The following KLHL28 variants were observed in gnomAD, a reference collection of about 807,000 sequenced individuals.
KLHL28 encodes the protein kelch-like protein 28.
A neutral mutation model predicts 48.3 loss-of-function variants in KLHL28; 22 were observed. The observed-to-expected ratio is 0.46, with a 90% CI of 0.33 to 0.65. The LOEUF (loss-of-function observed/expected upper bound fraction) is 0.65. Ranked by LOEUF, KLHL28 falls within the 30% of genes least tolerant of loss-of-function variation. The pLI is 0.03. For synonymous variants in KLHL28, 243 were observed against 242.4 expected (o/e 1.00, Z -0.02); for missense variants, 527 against 704.3 (o/e 0.75, Z 2.85).
rs563586991 is a variant in KLHL28 at position 44,935,359 on chromosome 14, G to A, written c.900-801C>T. On this transcript the variant is annotated intron_variant, in intron 2 of 4. Coordinates refer to ENST00000396128, the MANE Select transcript of KLHL28 (RefSeq NM_017658.5). ...TGGTCATACTCTGTTTCTTGAACTG[G>A]TTTGTAATGTTTACTTTGTGGTAAT... Among the ~76,000 whole-genome samples, 14 of 152,240 alleles carry A rather than the reference G, an allele frequency of 9.2e-5. No homozygotes were observed. In the South Asian group the frequency reaches 2.9e-3, roughly 32 times the overall value.
At chr14:44,954,754 T>C (rs1344228242) in intron 1 of KLHL28, among the ~76,000 whole-genome samples, 1 of 152,198 alleles carries the variant, frequency 6.6e-6, no homozygotes, top group East Asian at 1.9e-4. Context: ...ATATACTCTG[T>C]TTTATAGATT....
At chr14:44,957,701 C>T (rs1475044565) in intron 1 of KLHL28, among the ~76,000 whole-genome samples, 4 of 152,098 alleles carry the variant, frequency 2.6e-5, no homozygotes, top group Non-Finnish European at 5.9e-5. Flanking sequence ...GTTATTATTA[C>T]CACCATTTTA....
intron 2 of KLHL28, among the ~76,000 whole-genome samples, chr14:44,936,505 C>A (rs1883829155): frequency 6.6e-6 from 1 of 152,082 alleles, no homozygotes; most frequent in South Asian, 2.1e-4. Flanking sequence ...TTGCTTCCAT[C>A]TTTTCAGTAG....
At position 44,957,153 on chromosome 14, in the gene KLHL28, T is replaced by C. The variant is rs570407116; in HGVS notation, c.-1+4693A>G. Among the ~76,000 whole-genome samples, 4 of 152,196 alleles carry C rather than the reference T, an allele frequency of 2.6e-5. No homozygotes were observed. In the East Asian group the frequency reaches 7.7e-4, roughly 29 times the overall value. ...TGAAATATTTGTAGATGAAATAATA[T>C]GTTGTTAGGATTTGCTGCAAAATAA... is the stretch of plus-strand genomic sequence containing the variant. On this transcript the variant is annotated intron_variant, in intron 1 of 4. Coordinates refer to ENST00000396128, the MANE Select transcript of KLHL28 (RefSeq NM_017658.5).
At chr14:44,955,519 T>A (rs942342887) in intron 1 of KLHL28, among the ~76,000 whole-genome samples, 1 of 152,164 alleles carries the variant, frequency 6.6e-6, no homozygotes, top group African/African-American at 2.4e-5. Flanking sequence ...CTAGGTAGTA[T>A]AATCCCAGCA....
In KLHL28 at chr14:44,925,363, A is replaced by G. The variant is rs764618267; in HGVS notation, c.*3665T>C. On this transcript the variant is annotated 3_prime_UTR_variant, in exon 5 of 5. Transcript: ENST00000396128. ...GGAAATATATATATTTAAAATTTCT[A>G]TAGTTTTCTTACTAGAAAATACATT... The G allele has an allele frequency of 6.6e-6, 1 of 152,150 alleles. No individual in the cohort carries two copies. The highest frequency in any genetic ancestry group is 1.9e-4 in the East Asian group (1 of 5,208). The allele number at this position is 152,150 out of a possible 1,614,324, so 9.4% of individuals were successfully genotyped here. A position where few individuals can be genotyped will look rare whatever the true frequency, so the allele number is the denominator to read the frequency against.
At chr14:44,949,967 G>C (rs1466933206) in intron 1 of KLHL28, among the ~76,000 whole-genome samples, 1 of 152,076 alleles carries the variant, frequency 6.6e-6, no homozygotes, top group Non-Finnish European at 1.5e-5. Context: ...CTTTGACAGG[G>C]ATCTAAACAG....
At chr14:44,955,323 T>G (rs1441036623) in intron 1 of KLHL28, among the ~76,000 whole-genome samples, 1 of 151,932 alleles carries the variant, frequency 6.6e-6, no homozygotes, top group African/African-American at 2.4e-5. Flanking sequence ...AAAAAATAAA[T>G]TATATTTCCT....
chr14:44,942,671 T>G (rs1278605193), intron 2 of KLHL28, among the ~76,000 whole-genome samples: 1 of 152,168 alleles, frequency 6.6e-6, no homozygotes, highest in Non-Finnish European at 1.5e-5. Context: ...CCATAATGTA[T>G]CATGCCATTG....
In KLHL28 at chr14:44,929,026, T is replaced by C; in HGVS notation, c.*2A>G. 2 of 1,613,664 alleles carry C rather than the reference T, an allele frequency of 1.2e-6. No individual in the cohort carries two copies. The highest frequency in any genetic ancestry group is 1.7e-6 in the Non-Finnish European group (2 of 1,179,682). On this transcript the variant is annotated 3_prime_UTR_variant, in exon 5 of 5. Transcript: ENST00000396128. ...CATACTATTTCCGAGAGTTCACATTTGTCAAAGTGCAGTTAACCCAAAGTT... is the reference window on the plus strand; with the variant it reads ...CATACTATTTCCGAGAGTTCACATTCGTCAAAGTGCAGTTAACCCAAAGTT...
In KLHL28 at chr14:44,926,153, C is replaced by T. The variant is rs1284486150; in HGVS notation, c.*2875G>A. ...CTTCTCACAAATTTGTAAAAGAAGGCGCTAATGTAAACATATTAGTTGTCA... is the reference window on the plus strand; with the variant it reads ...CTTCTCACAAATTTGTAAAAGAAGGTGCTAATGTAAACATATTAGTTGTCA... On this transcript the variant is annotated 3_prime_UTR_variant, in exon 5 of 5. Coordinates refer to ENST00000396128, the MANE Select transcript of KLHL28 (RefSeq NM_017658.5). 6.6e-6 allele frequency: 1 copy of T among 152,126 alleles called. No homozygotes were observed. Among genetic ancestry groups the T allele is most frequent in the Non-Finnish European group, 1.5e-5 (1 of 68,010 alleles). The allele number at this position is 152,126 out of a possible 1,614,324, so 9.4% of individuals were successfully genotyped here.
chr14:44,953,768 A>G (rs2138661287), intron 1 of KLHL28: 1 of 152,352 alleles, frequency 6.6e-6, no homozygotes, highest in South Asian at 2.1e-4. Context: ...TTGTGTTATA[A>G]GTAATGGAAA....
Position 44,928,965 on chromosome 14 carries a change from G to T in KLHL28, c.*63C>A. 6.8e-7 allele frequency: 1 copy of T among 1,462,588 alleles called. No individual in the cohort carries two copies. Among genetic ancestry groups the T allele is most frequent in the Non-Finnish European group, 9.4e-7 (1 of 1,064,364 alleles). 90.6% of individuals were successfully genotyped at this position (1,462,588 alleles called of 1,614,324 possible). A position where few individuals can be genotyped will look rare whatever the true frequency, so the allele number is the denominator to read the frequency against. Reference sequence around the variant, plus strand: ...CAGCTTGTGGGTTTCAGAAAACTGGGCCATCCGGATGTTCATGCAGTACAA... The same window carrying T: ...CAGCTTGTGGGTTTCAGAAAACTGGTCCATCCGGATGTTCATGCAGTACAA... On this transcript the variant is annotated 3_prime_UTR_variant, in exon 5 of 5. Transcript: ENST00000396128.
intron 2 of KLHL28, among the ~76,000 whole-genome samples, chr14:44,942,439 T>C (rs953356618): frequency 6.6e-6 from 1 of 152,200 alleles, no homozygotes; most frequent in Non-Finnish European, 1.5e-5. Context: ...ATATTAATCC[T>C]GGCCTCTCAA....
chr14:44,941,628 C>CAAAAA, intron 2 of KLHL28, among the ~76,000 whole-genome samples: 1 of 81,078 alleles, frequency 1.2e-5, no homozygotes, highest in Non-Finnish European at 2.6e-5. Context: ...AACTCTGTCT[C>CAAAAA]AAAAAAAAAA....
At chr14:44,959,055 C>A (rs1224432972) in intron 1 of KLHL28, among the ~76,000 whole-genome samples, 1 of 151,470 alleles carries the variant, frequency 6.6e-6, no homozygotes, top group Non-Finnish European at 1.5e-5. Flanking sequence ...TATATATAAT[C>A]TTCAACCAAG....
chr14:44,940,828 A>T (rs1884041200), intron 2 of KLHL28, among the ~76,000 whole-genome samples: 2 of 152,070 alleles, frequency 1.3e-5, no homozygotes, highest in South Asian at 2.1e-4. Flanking sequence ...CTCTTTACTT[A>T]TCTCTTTATT....
chr14:44,937,743 A>G (rs1225993227), intron 2 of KLHL28, among the ~76,000 whole-genome samples: 3 of 152,236 alleles, frequency 2.0e-5, no homozygotes, highest in African/African-American at 7.2e-5. Context: ...TGGGAAGTCC[A>G]AGAACATGGT....
At chr14:44,952,041 T>G (rs1594582929) in intron 1 of KLHL28, among the ~76,000 whole-genome samples, 1 of 152,046 alleles carries the variant, frequency 6.6e-6, no homozygotes, top group East Asian at 1.9e-4. Flanking sequence ...GTATTTTTTT[T>G]GTAGAGAAGG....
Sources: allele counts gnomAD v4.1 joint callset (sites outside exome capture counted in the v4.1 genomes callset), GRCh38; gene constraint gnomAD v4.1.1; transcripts MANE v1.5; gene names NCBI Gene and HGNC (gene_info 2026-07-23, HGNC 2026-07-21).